The following DNAAF4 variants were observed in gnomAD, a reference collection of about 807,000 sequenced individuals.
DNAAF4 encodes dynein assembly factor 4, axonemal.
DNAAF4 carries 43 observed loss-of-function variants against 51.8 expected under a neutral mutation model. That is an observed-to-expected ratio of 0.83 (90% CI 0.65 to 1.07). The LOEUF (loss-of-function observed/expected upper bound fraction) is 1.07. DNAAF4 is among the 50% of genes least tolerant of loss of function. DNAAF4 has a pLI of 0.00. For missense variants in DNAAF4, 581 were observed against 493.0 expected (o/e 1.18, Z -1.69); for synonymous variants, 194 against 165.6 (o/e 1.17, Z -1.32).
At chr15:55,478,972 C>T (rs967020099) in intron 4 of DNAAF4, among the ~76,000 whole-genome samples, 7 of 151,974 alleles carry the variant, frequency 4.6e-5, no homozygotes, top group African/African-American at 1.7e-4. Flanking sequence ...ATGCAGTTAC[C>T]CAGACTGCAT....
chr15:55,489,708 A>G lies in DNAAF4; in HGVS notation c.405+1415T>C, dbSNP rs189830263. 5.6e-4 allele frequency among the ~76,000 whole-genome samples: 84 copies of G among 151,216 alleles called. 1 individual carries two copies. The East Asian group carries it at 0.013, about 24-fold the overall frequency. Reference sequence around the variant, plus strand: ...AAAAAAAAAAAGTTAAGTGGAAGTGATAAAAAAAGTGGACAAATCTTTGGA... The same window carrying G: ...AAAAAAAAAAAGTTAAGTGGAAGTGGTAAAAAAAGTGGACAAATCTTTGGA... On this transcript the variant is annotated intron_variant, in intron 4 of 9. Coordinates refer to ENST00000321149, the MANE Select transcript of DNAAF4 (RefSeq NM_130810.4).
chr15:55,459,227 C>T (rs2058061019), intron 5 of DNAAF4, among the ~76,000 whole-genome samples: 1 of 152,046 alleles, frequency 6.6e-6, no homozygotes, highest in Non-Finnish European at 1.5e-5. Flanking sequence ...AAATAATTAT[C>T]CGCTAAGAGT....
At chr15:55,435,172 T>C in intron 7 of DNAAF4, 114 bp from the exon 8 acceptor site, 1 of 1,165,518 alleles carries the variant, frequency 8.6e-7, no homozygotes, top group Non-Finnish European at 1.2e-6. Context: ...GCATTCTCTT[T>C]AGGGTAAACG....
At chr15:55,446,417 C>G (rs1041582390) in intron 6 of DNAAF4, among the ~76,000 whole-genome samples, 8 of 133,914 alleles carry the variant, frequency 6.0e-5, no homozygotes, top group Non-Finnish European at 1.1e-4. Context: ...ACTTCCCAGA[C>G]GGGGCGGCCG....
At position 55,450,323 on chromosome 15, in the gene DNAAF4, T is replaced by C; in HGVS notation, c.682A>G (p.Ser228Gly). The C allele has an allele frequency of 6.2e-7, 1 of 1,613,868 alleles. No individual in the cohort carries two copies. The highest frequency in any genetic ancestry group is 8.5e-7 in the Non-Finnish European group (1 of 1,179,976). The change falls in exon 6 of 10, where the codon AGT (serine) becomes GGT (glycine). Residue 228 changes from serine (S) to glycine (G), a missense_variant. By Grantham distance (56) the Ser-to-Gly change is moderately conservative. Coordinates refer to ENST00000321149, the MANE Select transcript of DNAAF4 (RefSeq NM_130810.4). ...CCAACAGAGCGAGGAGCAGGAATAC[T>C]GTCTTCCTTTAACTTCTCAGTAAAT... ...NIFTEKLKED[S>G]IPAPRSVGSI...
chr15:55,440,653 C>T (rs2057695909), intron 6 of DNAAF4, among the ~76,000 whole-genome samples: 1 of 145,914 alleles, frequency 6.9e-6, no homozygotes, highest in Admixed American at 6.9e-5. Context: ...GGCGTTGGGC[C>T]ACTGCACCTG....
rs2057512225 is a variant in DNAAF4 at position 55,432,513 on chromosome 15, T to C, written c.1137A>G (p.Leu379=). 3.1e-6 allele frequency: 5 copies of C among 1,610,776 alleles called. No individual in the cohort carries two copies. In the African/African-American group the frequency reaches 4.0e-5, roughly 13 times the overall value. The stretch of plus-strand genomic sequence containing the variant: ...ATTCCTTACCTTCTACATACAATTC[T>C]AGTTGACAGAATGCTGTTCCACGTC... The part of the protein sequence containing the change: ...HVRRGTAFCQ[L]ELYVEGLQDY... The change falls in exon 9 of 10, where the codon CTA becomes CTG. Residue 379 remains leucine, a synonymous_variant. Coordinates refer to ENST00000321149, the MANE Select transcript of DNAAF4 (RefSeq NM_130810.4).
At chr15:55,456,913 G>T (rs1470048041) in intron 5 of DNAAF4, among the ~76,000 whole-genome samples, 1 of 152,238 alleles carries the variant, frequency 6.6e-6, no homozygotes, top group African/African-American at 2.4e-5. Flanking sequence ...ATCTCACAGA[G>T]GTCCTTGGAG....
In DNAAF4 at chr15:55,465,938, TA is replaced by T. The variant is rs1477907752; in HGVS notation, c.637+991del. Among the ~76,000 whole-genome samples the T allele has an allele frequency of 5.4e-4, 82 of 152,130 alleles. 1 individual carries two copies. Among genetic ancestry groups the T allele is most frequent in the Non-Finnish European group, 2.5e-4 (17 of 68,006 alleles). On this transcript the variant is annotated intron_variant, in intron 5 of 9. Transcript: ENST00000321149. ...ATAAGAATGATATGGGCCTGGGGAC[TA>T]GGGGGGAAGGGTGCAGGGGTGAGGG...
chr15:55,467,214 T>C, intron 4 of DNAAF4, 53 bp from the exon 5 acceptor site: 3 of 1,377,828 alleles, frequency 2.2e-6, no homozygotes, highest in South Asian at 1.3e-5. Flanking sequence ...GCAACATTTA[T>C]TTAAATGAGA....
At chr15:55,454,560 T>A (rs1368815683) in intron 5 of DNAAF4, among the ~76,000 whole-genome samples, 1 of 151,860 alleles carries the variant, frequency 6.6e-6, no homozygotes, top group Non-Finnish European at 1.5e-5. Flanking sequence ...GTATTTTTAG[T>A]AGAGATGGGG....
intron 7 of DNAAF4, among the ~76,000 whole-genome samples, chr15:55,421,945 A>G (rs1464738999): frequency 1.4e-5 from 2 of 144,172 alleles, no homozygotes; most frequent in Non-Finnish European, 3.0e-5. Flanking sequence ...AATAATAATA[A>G]AGGTCCCAGG....
intron 4 of DNAAF4, among the ~76,000 whole-genome samples, chr15:55,472,976 G>C (rs2058276388): frequency 6.6e-6 from 1 of 151,638 alleles, no homozygotes; most frequent in Non-Finnish European, 1.5e-5. Flanking sequence ...GACCAGCCTG[G>C]CCAAAATGGT....
At chr15:55,480,566 G>A (rs548165650) in intron 4 of DNAAF4, among the ~76,000 whole-genome samples, 75 of 152,106 alleles carry the variant, frequency 4.9e-4, no homozygotes, top group African/African-American at 1.7e-3. Context: ...CTTAGCCCCC[G>A]AGATCAATAT....
intron 4 of DNAAF4, among the ~76,000 whole-genome samples, chr15:55,472,965 A>T (rs1477407778): frequency 1.3e-5 from 2 of 151,916 alleles, no homozygotes; most frequent in Admixed American, 1.3e-4. Flanking sequence ...CAGGAGTTAG[A>T]GACCAGCCTG....
intron 3 of DNAAF4, 148 bp downstream of exon 3, chr15:55,497,564 C>A (rs1241950827): frequency 8.5e-6 from 7 of 821,900 alleles, no homozygotes; most frequent in Non-Finnish European, 8.8e-6. Flanking sequence ...CATGTCACTG[C>A]ACTCCAGCCT....
chr15:55,421,572 C>G (rs1368714062), intron 7 of DNAAF4, among the ~76,000 whole-genome samples: 1 of 152,040 alleles, frequency 6.6e-6, no homozygotes, highest in African/African-American at 2.4e-5. Flanking sequence ...ATTATATACA[C>G]AGTCATTCAG....
intron 6 of DNAAF4, among the ~76,000 whole-genome samples, chr15:55,440,414 T>C (rs555773748): frequency 6.6e-6 from 1 of 151,982 alleles, no homozygotes; most frequent in South Asian, 2.1e-4. Flanking sequence ...AGTCTTGCTC[T>C]GTCACTCAGG....
intron 4 of DNAAF4, among the ~76,000 whole-genome samples, chr15:55,477,604 TTTTAAAAATA>T (rs1364029364): frequency 1.3e-5 from 2 of 152,020 alleles, no homozygotes; most frequent in Admixed American, 1.3e-4. Flanking sequence ...GAAAAATAAA[TTTTAAAAATA>T]TTTAAAAATA....
Sources: gnomAD v4.1 joint callset for allele counts (sites outside exome capture counted in the v4.1 genomes callset) on GRCh38, gnomAD v4.1.1 for gene constraint, MANE v1.5 for transcripts, NCBI Gene and HGNC (gene_info 2026-07-23, HGNC 2026-07-21) for gene names.